PRRC2B: variants seen among roughly 807,000 people sequenced by gnomAD.
PRRC2B encodes the protein protein PRRC2B.
A neutral mutation model predicts 242.3 loss-of-function variants in PRRC2B; 68 were observed. That is an observed-to-expected ratio of 0.28 (90% confidence interval 0.23 to 0.34). The LOEUF (loss-of-function observed/expected upper bound fraction) is 0.34. PRRC2B is among the 10% of genes least tolerant of loss of function. The pLI, the probability that PRRC2B is intolerant of heterozygous loss-of-function variation, is 1.00. For synonymous variants in PRRC2B, 1,228 were observed against 1,173.6 expected, an observed-to-expected ratio of 1.05 and a Z score of -0.95; for missense variants, 2,835 against 2,954.8, an observed-to-expected ratio of 0.96 and a Z score of 0.94.
intron 5 of PRRC2B, among the ~76,000 whole-genome samples, chr9:131,439,634 A>G (rs1838490955): frequency 6.6e-6 from 1 of 152,124 alleles, no homozygotes; most frequent in South Asian, 2.1e-4. Flanking sequence ...TGCCATGCCT[A>G]GGAGGTCCTG....
chr9:131,425,112 A>G (rs1837943589), intron 1 of PRRC2B, among the ~76,000 whole-genome samples: 1 of 152,140 alleles, frequency 6.6e-6, no homozygotes, highest in Non-Finnish European at 1.5e-5. Context: ...TAGCCTCCCG[A>G]GTAGCTGAGA....
At chr9:131,399,436 G>A (rs1194386035) in intron 1 of PRRC2B, among the ~76,000 whole-genome samples, 2 of 151,756 alleles carry the variant, frequency 1.3e-5, no homozygotes, top group Non-Finnish European at 2.9e-5. Context: ...AAAATTAGCC[G>A]GGCGTGGTGG....
intron 14 of PRRC2B, among the ~76,000 whole-genome samples, chr9:131,473,060 A>G (rs962848783): frequency 5.3e-5 from 8 of 151,810 alleles, no homozygotes; most frequent in South Asian, 2.1e-4. Context: ...GAGGGGGACA[A>G]TTGTTTCCCT....
chr9:131,469,011 G>A (rs1038585394), intron 13 of PRRC2B, among the ~76,000 whole-genome samples: 2 of 152,176 alleles, frequency 1.3e-5, no homozygotes, highest in African/African-American at 4.8e-5. Flanking sequence ...ACTCCTTGGG[G>A]TGCGGAGGAA....
chr9:131,479,164 A>AT, intron 18 of PRRC2B, 88 bp from the exon 19 acceptor site: 1 of 1,389,870 alleles, frequency 7.2e-7, no homozygotes, highest in Non-Finnish European at 1.0e-6. Flanking sequence ...AGGTGGTGTG[A>AT]TTTTTGGTAC....
chr9:131,465,870 G>A (rs374521332), intron 12 of PRRC2B, among the ~76,000 whole-genome samples: 3 of 152,278 alleles, frequency 2.0e-5, no homozygotes, highest in East Asian at 1.9e-4. Context: ...GATTACAGGC[G>A]TGTGCCACGA....
At chr9:131,491,613 G>A in intron 29 of PRRC2B, 33 bp downstream of exon 29, 6 of 1,571,932 alleles carry the variant, frequency 3.8e-6, no homozygotes, top group Non-Finnish European at 5.2e-6. Flanking sequence ...TGACCCTAGG[G>A]AGGGGGCCTT....
At chr9:131,441,658 C>T (rs1324171961) in intron 5 of PRRC2B, among the ~76,000 whole-genome samples, 3 of 152,240 alleles carry the variant, frequency 2.0e-5, no homozygotes, top group African/African-American at 7.2e-5. Context: ...TAGAGTCATG[C>T]ATCTGTGACA....
In PRRC2B at chr9:131,497,912, T is replaced by G. The variant is rs1192755616; in HGVS notation, c.*2038T>G. ...TGTGGGGCCTGGGATGAGCCCTCTCTGTCCCCACCGGCCCTCCTTGCCAAG... is the reference window on the plus strand; with the variant it reads ...TGTGGGGCCTGGGATGAGCCCTCTCGGTCCCCACCGGCCCTCCTTGCCAAG... On this transcript the variant is annotated 3_prime_UTR_variant, in exon 32 of 32. Transcript: ENST00000683519. 6.6e-6 allele frequency: 1 copy of G among 152,352 alleles called. No homozygotes were observed. Among genetic ancestry groups the G allele is most frequent in the Non-Finnish European group, 1.5e-5 (1 of 68,160 alleles). The allele number at this position is 152,352 out of a possible 1,614,324, so 9.4% of individuals were successfully genotyped here. A position where few individuals can be genotyped will look rare whatever the true frequency, so the allele number is the denominator to read the frequency against.
At chr9:131,392,459 CT>C (rs1473431655), upstream of PRRC2B, among the ~76,000 whole-genome samples, 4 of 152,080 alleles carry the variant, frequency 2.6e-5, no homozygotes, top group South Asian at 4.1e-4. Context: ...GTTTATTTGC[CT>C]TCTATCATTT....
At chr9:131,407,544 C>T (rs960625312) in intron 1 of PRRC2B, among the ~76,000 whole-genome samples, 13 of 152,098 alleles carry the variant, frequency 8.5e-5, no homozygotes, top group Non-Finnish European at 1.6e-4. Flanking sequence ...CTGGCTTCGC[C>T]GGCGATTGTC....
chr9:131,464,524 T>C (rs997527963), intron 11 of PRRC2B, among the ~76,000 whole-genome samples: 1 of 152,212 alleles, frequency 6.6e-6, no homozygotes, highest in Non-Finnish European at 1.5e-5. Context: ...CTTCCTTTGT[T>C]GTCCCCATTT....
At chr9:131,420,453 T>TTTTCTCTTTCTTTCTTTCTTTCTTTC (rs1554758581) in intron 1 of PRRC2B, among the ~76,000 whole-genome samples, 4 of 60,988 alleles carry the variant, frequency 6.6e-5, no homozygotes, top group East Asian at 5.9e-4. Context: ...TTCTTTTTCT[T>TTTTCTCTTTCTTTCTTTCTTTCTTTC]TTTCTTTCTT....
chr9:131,494,289 G>A lies in PRRC2B; in HGVS notation c.6474-116G>A. ...AAGAGATCCACGGACCGTCCCGAGT[G>A]AGCGCCTCTGGCCGCAGGCCCTTCC... On this transcript the variant is annotated intron_variant, in intron 30 of 31. Coordinates refer to ENST00000683519, the MANE Select transcript of PRRC2B (RefSeq NM_013318.4). The surrounding 1 kb of genome is among the most constrained non-coding windows in gnomAD (Gnocchi z 4.3). 1 of 626,446 alleles carries A rather than the reference G, an allele frequency of 1.6e-6. No homozygotes were observed. The highest frequency in any genetic ancestry group is 2.9e-5 in the East Asian group (1 of 34,788). The allele number at this position is 626,446 out of a possible 1,614,324, so 38.8% of individuals were successfully genotyped here.
intron 3 of PRRC2B, 81 bp downstream of exon 3, chr9:131,432,875 C>A: frequency 6.8e-7 from 1 of 1,461,076 alleles, no homozygotes; most frequent in South Asian, 1.2e-5. Flanking sequence ...CAAACTAACC[C>A]TAACCCTTTG....
chr9:131,495,808 C>T lies in PRRC2B; in HGVS notation c.6624C>T (p.Ala2208=). ...AVKLQEAPSA[A]SQMKRTGAIK... is the part of the protein sequence containing the mutation. The stretch of plus-strand genomic sequence containing the variant: ...AGCTGCAGGAGGCCCCCTCGGCTGC[C>T]TCCCAGATGAAGCGAACCGGAGCGA... Residue 2208 remains alanine, a synonymous_variant, in exon 32 of 32, where the codon GCC becomes GCT. Coordinates refer to ENST00000683519, the MANE Select transcript of PRRC2B (RefSeq NM_013318.4). 1 of 1,613,192 alleles carries T rather than the reference C, an allele frequency of 6.2e-7. No individual in the cohort carries two copies. Among genetic ancestry groups the T allele is most frequent in the Non-Finnish European group, 8.5e-7 (1 of 1,179,262 alleles).
rs201591516 is a variant in PRRC2B, at chr9:131,464,927, C to T, written c.1569C>T (p.Ala523=). The T allele has an allele frequency of 1.7e-3, 2,743 of 1,613,796 alleles. 5 individuals are homozygous for T. The highest frequency in any genetic ancestry group is 4.5e-3 in the East Asian group (203 of 44,880). Residue 523 remains alanine, a synonymous_variant, in exon 12 of 32, where the codon GCC becomes GCT. Transcript: ENST00000683519. ...EERRAREERL[A]ACAAKLKQLD... ...GCCGAGCCCGGGAGGAGAGGCTGGC[C>T]GCCTGTGCTGCCAAACTCAAGCAGC...
chr9:131,422,838 C>A (rs1269103227), intron 1 of PRRC2B, among the ~76,000 whole-genome samples: 4 of 152,168 alleles, frequency 2.6e-5, no homozygotes, highest in Non-Finnish European at 1.5e-5. Flanking sequence ...AACCTGGATT[C>A]TTTTTCAATG....
chr9:131,416,750 A>G (rs4740237), intron 1 of PRRC2B, among the ~76,000 whole-genome samples: 6,876 of 152,154 alleles, frequency 0.045, 228 homozygotes, highest in Admixed American at 0.11. Flanking sequence ...ATTTGGTAGA[A>G]TGTTCCTCGA....
Sources: allele counts gnomAD v4.1 joint callset (sites outside exome capture counted in the v4.1 genomes callset), GRCh38; gene constraint gnomAD v4.1.1; non-coding constraint Gnocchi (gnomAD v3.1); transcripts MANE v1.5; gene names NCBI Gene and HGNC (gene_info 2026-07-23, HGNC 2026-07-21).